TMEM120B: variants seen among roughly 807,000 people sequenced by gnomAD.
TMEM120B encodes transmembrane protein 120B.
Under a neutral mutation model 55.5 loss-of-function variants are expected in TMEM120B, and 31 were observed. The ratio of observed to expected loss-of-function variants is 0.56; its 90% CI spans 0.42 to 0.75. TMEM120B has a LOEUF of 0.75. Among genes scored for constraint, TMEM120B ranks in the 30% least tolerant of loss-of-function variants. The pLI is 0.00. For missense variants in TMEM120B, 399 were observed against 425.5 expected (o/e 0.94, Z 0.55); for synonymous variants, 203 against 176.3 (o/e 1.15, Z -1.20).
intron 6 of TMEM120B, among the ~76,000 whole-genome samples, chr12:121,767,636 G>A (rs1873892661): frequency 6.6e-6 from 1 of 152,168 alleles, no homozygotes; most frequent in Admixed American, 6.5e-5. Context: ...TGAATTGTAC[G>A]GTATCTGAAT....
intron 1 of TMEM120B, among the ~76,000 whole-genome samples, chr12:121,715,883 C>T (rs570564046): frequency 6.6e-6 from 1 of 151,698 alleles, no homozygotes; most frequent in Non-Finnish European, 1.5e-5. Flanking sequence ...TGCCTTCTCA[C>T]GTTCCCCTTC....
Position 121,776,012 on chromosome 12 carries a change from T to C in TMEM120B, c.*290T>C. ...GGCCAGTCTTCCTGGGGATGGGGCCTGAAGCCTCAGGGAGCCCCTCTGTTC... is the reference window on the plus strand; with the variant it reads ...GGCCAGTCTTCCTGGGGATGGGGCCCGAAGCCTCAGGGAGCCCCTCTGTTC... On this transcript the variant is annotated 3_prime_UTR_variant, in exon 12 of 12. Transcript: ENST00000449592. The C allele has an allele frequency of 1.7e-6, 1 of 591,838 alleles. No individual in the cohort carries two copies. The highest frequency in any genetic ancestry group is 3.0e-6 in the Non-Finnish European group (1 of 332,128). The allele number at this position is 591,838 out of a possible 1,614,324, so 36.7% of individuals were successfully genotyped here.
intron 5 of TMEM120B, 107 bp from the exon 6 acceptor site, chr12:121,761,542 G>C: frequency 1.3e-6 from 1 of 779,106 alleles, no homozygotes; most frequent in Non-Finnish European, 2.2e-6. Context: ...GGCAGCGCGT[G>C]CTGTGGGCAG....
chr12:121,776,241 T>G lies in TMEM120B; in HGVS notation c.*519T>G. 1.4e-5 allele frequency: 3 copies of G among 209,644 alleles called. No homozygotes were observed. Among genetic ancestry groups the G allele is most frequent in the East Asian group, 1.0e-4 (1 of 9,570 alleles). The allele number at this position is 209,644 out of a possible 1,614,324, so 13.0% of individuals were successfully genotyped here. A position where few individuals can be genotyped will look rare whatever the true frequency, so the allele number is the denominator to read the frequency against. On this transcript the variant is annotated 3_prime_UTR_variant, in exon 12 of 12. Coordinates refer to ENST00000449592, the MANE Select transcript of TMEM120B (RefSeq NM_001080825.2). ...GCCACGTGGTGAGGGTTATTTTAAG[T>G]TCTCAGAGACCCACCGCGTCTGCCT...
At chr12:121,762,971 T>C (rs1486779883) in intron 6 of TMEM120B, among the ~76,000 whole-genome samples, 3 of 152,052 alleles carry the variant, frequency 2.0e-5, no homozygotes, top group Non-Finnish European at 4.4e-5. Flanking sequence ...GGGGTTCCCT[T>C]GGCCCCCATC....
chr12:121,761,336 T>C (rs959734805), intron 5 of TMEM120B, among the ~76,000 whole-genome samples: 2 of 151,936 alleles, frequency 1.3e-5, no homozygotes, highest in Non-Finnish European at 2.9e-5. Context: ...TCACATCACA[T>C]GGGAAGAGTT....
intron 1 of TMEM120B, among the ~76,000 whole-genome samples, chr12:121,720,900 C>T (rs1457224377): frequency 6.6e-6 from 1 of 152,126 alleles, no homozygotes; most frequent in Non-Finnish European, 1.5e-5. Flanking sequence ...TCCTGCAACA[C>T]ATGTTGACTC....
At position 121,776,200 on chromosome 12, in the gene TMEM120B, C is replaced by G. The variant is rs1384210432; in HGVS notation, c.*478C>G. On this transcript the variant is annotated 3_prime_UTR_variant, in exon 12 of 12. Transcript: ENST00000449592. ...GCCACTCTGCTTCTGCTGTGAGCCC[C>G]CTCCTCGCCCACCCCGCCACGTGGT... is the stretch of plus-strand genomic sequence containing the variant. 1 of 296,632 alleles carries G rather than the reference C, an allele frequency of 3.4e-6. No homozygotes were observed. The highest frequency in any genetic ancestry group is 6.2e-6 in the Non-Finnish European group (1 of 161,340). 18.4% of individuals were successfully genotyped at this position (296,632 alleles called of 1,614,324 possible). A position where few individuals can be genotyped will look rare whatever the true frequency, so the allele number is the denominator to read the frequency against.
chr12:121,723,091 G>A (rs550528084), intron 1 of TMEM120B, among the ~76,000 whole-genome samples: 1 of 151,986 alleles, frequency 6.6e-6, no homozygotes, highest in Admixed American at 6.6e-5. Context: ...CAGGTGATCC[G>A]CCTGCCTCGC....
chr12:121,738,872 C>A (rs190091959), intron 1 of TMEM120B, among the ~76,000 whole-genome samples: 332 of 152,242 alleles, frequency 2.2e-3, no homozygotes, highest in African/African-American at 7.1e-3. Context: ...TTCTTCCAGA[C>A]AACTGGACCG....
intron 8 of TMEM120B, among the ~76,000 whole-genome samples, chr12:121,772,379 C>A (rs377559368): frequency 6.6e-6 from 1 of 151,898 alleles, no homozygotes; most frequent in Non-Finnish European, 1.5e-5. Context: ...GTCCACCCAC[C>A]TCTGCCACCC....
At chr12:121,724,394 G>A (rs1160432742) in intron 1 of TMEM120B, among the ~76,000 whole-genome samples, 2 of 151,882 alleles carry the variant, frequency 1.3e-5, no homozygotes, top group African/African-American at 4.8e-5. Context: ...GGCTGATCTC[G>A]AACTCCCGGC....
intron 6 of TMEM120B, among the ~76,000 whole-genome samples, chr12:121,766,964 T>C (rs73411780): frequency 0.075 from 11,421 of 151,920 alleles, 612 homozygotes; most frequent in African/African-American, 0.14. Flanking sequence ...GAGCCAGGAG[T>C]GGCCTGGGGT....
intron 1 of TMEM120B, among the ~76,000 whole-genome samples, chr12:121,739,866 C>G (rs913819595): frequency 3.3e-5 from 5 of 150,262 alleles, no homozygotes; most frequent in African/African-American, 9.8e-5. Flanking sequence ...GCAATCTCCC[C>G]CTCCCGGGTT....
Position 121,743,637 on chromosome 12 carries a change from C to G in TMEM120B, c.78C>G (p.His26Gln), listed in dbSNP as rs550238026. 6.2e-7 allele frequency: 1 copy of G among 1,613,278 alleles called. No individual in the cohort carries two copies. Among genetic ancestry groups the G allele is most frequent in the South Asian group, 1.1e-5 (1 of 91,058 alleles). Residue 26 changes from histidine to glutamine, a missense_variant, in exon 2 of 12, where the codon CAC becomes CAG. Around this residue, in one of 3 missense-constraint regions of TMEM120B, gnomAD observed 133 missense variants for 104.1 expected, o/e 1.28. Transcript: ENST00000449592. ...EGEFQELQET[H>Q]RIYKQKLEEL... ...GGTCCCCTGTTCTTCAGGAGACGCA[C>G]AGGATCTACAAGCAGAAGCTGGAGG...
rs374281201 is a variant in TMEM120B, at chr12:121,735,640, G to A, written c.70-7989G>A. Among the ~76,000 whole-genome samples the A allele has an allele frequency of 2.3e-4, 35 of 151,114 alleles. No individual in the cohort carries two copies. The Middle Eastern group carries it at 0.018, about 77-fold the overall frequency. ...CCTCGATCTGTTGACTTTGTGATCC[G>A]CCTGCCTTGGCCTCCCAAAATGCTG... is the stretch of plus-strand genomic sequence containing the variant. On this transcript the variant is annotated intron_variant, in intron 1 of 11. Transcript: ENST00000449592.
At chr12:121,732,449 G>A (rs1035794821) in intron 1 of TMEM120B, among the ~76,000 whole-genome samples, 6 of 152,140 alleles carry the variant, frequency 3.9e-5, no homozygotes, top group African/African-American at 1.4e-4. Context: ...CAGAGCGAGA[G>A]AATTGCAGGG....
At chr12:121,771,145 G>A (rs1874038708) in intron 7 of TMEM120B, among the ~76,000 whole-genome samples, 173 bp downstream of exon 7, 1 of 152,154 alleles carries the variant, frequency 6.6e-6, no homozygotes, top group Non-Finnish European at 1.5e-5. Context: ...CCCAGCCCGT[G>A]AGGGGTTCTC....
chr12:121,774,753 C>T (rs11043196), intron 10 of TMEM120B, 31 bp downstream of exon 10: 194,573 of 1,609,274 alleles, frequency 0.12, 18,074 homozygotes, highest in African/African-American at 0.42. Flanking sequence ...TGGGTATCTC[C>T]TGTCTGGGCT....
Sources: gnomAD v4.1 joint callset for allele counts (sites outside exome capture counted in the v4.1 genomes callset) on GRCh38, gnomAD v4.1.1 for gene constraint, gnomAD v4.1.1 regional missense constraint, MANE v1.5 for transcripts, NCBI Gene and HGNC (gene_info 2026-07-23, HGNC 2026-07-21) for gene names.